The following GALNT3 variants were observed in gnomAD, a reference collection of about 807,000 sequenced individuals.
GALNT3 encodes the protein polypeptide N-acetylgalactosaminyltransferase 3.
In GALNT3, 51 loss-of-function variants were observed where a neutral mutation model predicts 69.8. That is an observed-to-expected ratio of 0.73 (90% CI 0.58 to 0.92). The LOEUF (loss-of-function observed/expected upper bound fraction) is 0.92. Ranked by LOEUF, GALNT3 falls within the 40% of genes least tolerant of loss-of-function variation. The probability of loss-of-function intolerance (pLI) is 0.00; values close to 1 mark genes in which losing one functional copy is unlikely to be tolerated. For synonymous variants in GALNT3, 265 were observed against 248.5 expected (o/e 1.07, Z -0.63); for missense variants, 711 against 760.0 (o/e 0.94, Z 0.76).
intron 2 of GALNT3, among the ~76,000 whole-genome samples, chr2:165,769,427 AT>A: frequency 2.1e-5 from 3 of 141,120 alleles, no homozygotes; most frequent in Non-Finnish European, 3.0e-5. Flanking sequence ...AATAATAATA[AT>A]AATAATAATA....
chr2:165,750,024 G>A (rs1005213008), intron 9 of GALNT3, 130 bp from the exon 10 acceptor site: 2 of 868,844 alleles, frequency 2.3e-6, no homozygotes, highest in Non-Finnish European at 3.7e-6. Context: ...AATAAAAATA[G>A]TTATTAGAAA....
intron 3 of GALNT3, 79 bp downstream of exon 3, chr2:165,764,805 G>A: frequency 7.1e-7 from 1 of 1,400,934 alleles, no homozygotes; most frequent in South Asian, 1.2e-5. Flanking sequence ...GGCATACAGA[G>A]AGTACCACAT....
chr2:165,758,526 A>T (rs1186908287), intron 6 of GALNT3: 3 of 414,166 alleles, frequency 7.2e-6, no homozygotes, highest in South Asian at 6.6e-5. Context: ...GCCTGGACAC[A>T]GGAGTTTAAC....
intron 6 of GALNT3, 139 bp from the exon 7 acceptor site, chr2:165,757,386 C>T (rs1688465183): frequency 5.0e-6 from 4 of 807,608 alleles, no homozygotes; most frequent in Non-Finnish European, 8.1e-6. Context: ...CTGTCCCCTG[C>T]CATTTCAACT....
rs749900386 is a variant in GALNT3 at position 165,757,179 on chromosome 2, T to C, written c.1260A>G (p.Lys420=). The C allele has an allele frequency of 2.5e-6, 4 of 1,614,100 alleles. No individual in the cohort carries two copies. Among genetic ancestry groups the C allele is most frequent in the Non-Finnish European group, 3.4e-6 (4 of 1,179,968 alleles). ...TGCCTTTTGGAAAGCTATGAGGGCT[T>C]TTGCTGCGAAAAACATGTCCAACAA... ...CSVVGHVFRS[K]SPHSFPKGTQ... is the part of the protein sequence containing the mutation. Residue 420 remains lysine, a synonymous_variant, in exon 7 of 11, where the codon AAA becomes AAG. Coordinates refer to ENST00000392701, the MANE Select transcript of GALNT3 (RefSeq NM_004482.4).
rs34044047 is a variant in GALNT3 at position 165,767,869 on chromosome 2, C to CT, written c.515+2316dup. 8.5e-3 allele frequency among the ~76,000 whole-genome samples: 700 copies of CT among 82,406 alleles called. 9 individuals are homozygous for CT. Among genetic ancestry groups the CT allele is most frequent in the South Asian group, 0.023 (53 of 2,288 alleles). The allele number at this position is 82,406 out of a possible 152,430, so 54.1% of individuals were successfully genotyped here. A position where few individuals can be genotyped will look rare whatever the true frequency, so the allele number is the denominator to read the frequency against. On this transcript the variant is annotated intron_variant, in intron 2 of 10. Transcript: ENST00000392701. ...GTTACATTCAAAGTAAAAAACAAAT[C>CT]TTTTTTTTTTTTTTTTTTTTTTTGA...
At chr2:165,778,313 A>G (rs1018329156) in intron 1 of GALNT3, among the ~76,000 whole-genome samples, 3 of 152,206 alleles carry the variant, frequency 2.0e-5, no homozygotes, top group African/African-American at 7.2e-5. Context: ...TGTAACTGGT[A>G]TTCCCTGCCC....
At chr2:165,759,769 A>G (rs1688511166) in intron 4 of GALNT3, among the ~76,000 whole-genome samples, 199 bp from the exon 5 acceptor site, 1 of 152,220 alleles carries the variant, frequency 6.6e-6, no homozygotes, top group Non-Finnish European at 1.5e-5. Context: ...AGTGTATATC[A>G]TAGTGTTTAT....
intron 9 of GALNT3, 73 bp from the exon 10 acceptor site, chr2:165,749,967 G>A: frequency 6.2e-6 from 8 of 1,288,022 alleles, no homozygotes; most frequent in Non-Finnish European, 9.0e-6. Context: ...AAATAAATCA[G>A]CAACTCGTTA....
intron 1 of GALNT3, among the ~76,000 whole-genome samples, chr2:165,779,673 ATTG>A (rs1683061139): frequency 6.6e-6 from 1 of 152,226 alleles, no homozygotes; most frequent in African/African-American, 2.4e-5. Flanking sequence ...AGAGAAGAAA[ATTG>A]TTAACATATA....
chr2:165,770,728 A>G lies in GALNT3; in HGVS notation c.-28T>C. ...TGACATTAAAAGCTTGTCACTTGAC[A>G]AATAACAGTTATTTCTTCTTCTGTT... On this transcript the variant is annotated 5_prime_UTR_variant, in exon 2 of 11. Transcript: ENST00000392701. The G allele has an allele frequency of 6.3e-7, 1 of 1,596,818 alleles. No individual in the cohort carries two copies. Among genetic ancestry groups the G allele is most frequent in the Non-Finnish European group, 8.5e-7 (1 of 1,178,184 alleles).
At chr2:165,772,828 C>T (rs1688777152) in intron 1 of GALNT3, among the ~76,000 whole-genome samples, 1 of 152,104 alleles carries the variant, frequency 6.6e-6, no homozygotes, top group African/African-American at 2.4e-5. Context: ...ACTGATGTGG[C>T]TTGAAGGTCA....
At chr2:165,756,102 A>T (rs898622846) in intron 7 of GALNT3, among the ~76,000 whole-genome samples, 1 of 152,216 alleles carries the variant, frequency 6.6e-6, no homozygotes, top group Non-Finnish European at 1.5e-5. Flanking sequence ...CTTAATTTGC[A>T]TCCTAACAGG....
chr2:165,770,354 T>C lies in GALNT3; in HGVS notation c.347A>G (p.Gln116Arg). 2.5e-6 allele frequency: 4 copies of C among 1,614,220 alleles called. No individual in the cohort carries two copies. Among genetic ancestry groups the C allele is most frequent in the Non-Finnish European group, 3.4e-6 (4 of 1,180,040 alleles). Residue 116 changes from glutamine to arginine, a missense_variant, in exon 2 of 11, where the codon CAG becomes CGG. By Grantham distance (43) the Gln-to-Arg change is conservative. Coordinates refer to ENST00000392701, the MANE Select transcript of GALNT3 (RefSeq NM_004482.4). ...AGAAGCACCAGGTGCATTTGAATCC[T>C]GAGGTGGACGGTCAAGGACAGGCTT... is the stretch of plus-strand genomic sequence containing the variant. ...ELKPVLDRPPQDSNAPGASGK... is the reference protein window; with the variant it reads ...ELKPVLDRPPRDSNAPGASGK...
At chr2:165,788,466 G>GGAGGGTGT (rs1553496967) in intron 1 of GALNT3, among the ~76,000 whole-genome samples, 4 of 139,530 alleles carry the variant, frequency 2.9e-5, no homozygotes, top group Non-Finnish European at 6.2e-5. Context: ...AATCCAAAAG[G>GGAGGGTGT]GTGTGTGTGT....
chr2:165,791,938 G>A (rs1683363735), intron 1 of GALNT3, among the ~76,000 whole-genome samples: 1 of 152,124 alleles, frequency 6.6e-6, no homozygotes, highest in Non-Finnish European at 1.5e-5. Context: ...GGACAATTCT[G>A]TAATTACAAA....
intron 5 of GALNT3, 64 bp downstream of exon 5, chr2:165,759,272 G>C (rs1688500163): frequency 7.9e-7 from 1 of 1,267,580 alleles, no homozygotes; most frequent in East Asian, 2.4e-5. Flanking sequence ...AAAGCAAACA[G>C]TGTGTACATA....
At chr2:165,753,277 C>G (rs1440641662) in intron 9 of GALNT3, among the ~76,000 whole-genome samples, 1 of 152,198 alleles carries the variant, frequency 6.6e-6, no homozygotes, top group African/African-American at 2.4e-5. Flanking sequence ...ACATCTTGGA[C>G]TCTACACCAA....
intron 2 of GALNT3, 151 bp from the exon 3 acceptor site, chr2:165,765,207 T>C (rs185160159): frequency 4.7e-5 from 35 of 747,912 alleles, no homozygotes; most frequent in Non-Finnish European, 7.3e-5. Flanking sequence ...CTATATAAAA[T>C]GTAAATAAAT....
Sources: allele counts gnomAD v4.1 joint callset (sites outside exome capture counted in the v4.1 genomes callset), GRCh38; gene constraint gnomAD v4.1.1; transcripts MANE v1.5; gene names NCBI Gene and HGNC (gene_info 2026-07-23, HGNC 2026-07-21).